TASP1: variants seen among roughly 807,000 people sequenced by gnomAD.
TASP1 encodes the protein taspase 1.
A neutral mutation model predicts 56.6 loss-of-function variants in TASP1; 16 were observed. That is an observed-to-expected ratio of 0.28 (90% CI 0.19 to 0.43). TASP1 has a LOEUF of 0.43. Ranked by LOEUF, TASP1 falls within the 20% of genes least tolerant of loss-of-function variation. The pLI is 1.00. For missense variants in TASP1, 393 were observed against 511.6 expected (o/e 0.77, Z 2.24); for synonymous variants, 179 against 184.2 (o/e 0.97, Z 0.23).
the TASP1 span, among the ~76,000 whole-genome samples, chr20:13,319,751 C>T: frequency 3.9e-5 from 6 of 152,236 alleles, no homozygotes; most frequent in African/African-American, 1.2e-4. Flanking sequence ...TGCACACACA[C>T]ACTCTAGAGG....
At chr20:13,429,442 G>A (rs2042726459) in intron 12 of TASP1, among the ~76,000 whole-genome samples, 1 of 152,090 alleles carries the variant, frequency 6.6e-6, no homozygotes, top group South Asian at 2.1e-4. Context: ...TGAACTCCAT[G>A]AACATATACA....
chr20:13,322,512 G>A, the TASP1 span, among the ~76,000 whole-genome samples: 10 of 152,152 alleles, frequency 6.6e-5, no homozygotes, highest in African/African-American at 1.4e-4. Flanking sequence ...AGGTCCATAT[G>A]AGGTTCTCAA....
the TASP1 span, among the ~76,000 whole-genome samples, chr20:13,256,147 G>A: frequency 6.6e-6 from 1 of 152,086 alleles, no homozygotes; most frequent in African/African-American, 2.4e-5. Context: ...TGTTATCCCA[G>A]CACTTTGGGA....
At chr20:13,223,934 C>G in the TASP1 span, among the ~76,000 whole-genome samples, 3 of 151,934 alleles carry the variant, frequency 2.0e-5, no homozygotes, top group Non-Finnish European at 2.9e-5. Flanking sequence ...TAGAATAACC[C>G]GGGGTTGGCC....
At chr20:13,237,680 A>G in the TASP1 span, 14 of 152,298 alleles carry the variant, frequency 9.2e-5, no homozygotes, top group African/African-American at 3.1e-4. Flanking sequence ...AGAGTTATAT[A>G]TGTGTATATT....
chr20:13,435,147 A>G lies in TASP1; in HGVS notation c.993T>C (p.Pro331=). 1 of 1,601,002 alleles carries G rather than the reference A, an allele frequency of 6.2e-7. No homozygotes were observed. Among genetic ancestry groups the G allele is most frequent in the East Asian group, 2.3e-5 (1 of 44,258 alleles). The change falls in exon 12 of 14, where the codon CCT becomes CCC. Residue 331 remains proline (P), a synonymous_variant. Coordinates refer to ENST00000337743, the MANE Select transcript of TASP1 (RefSeq NM_017714.3). ...ETMQNKFISS[P]FLASEDGVLG... Reference sequence around the variant, plus strand: ...GCACGCCATCTTCACTGGCAAGGAAAGGTGAACCTAGGCAGAAAGGACTAG... The same window carrying G: ...GCACGCCATCTTCACTGGCAAGGAAGGGTGAACCTAGGCAGAAAGGACTAG...
the TASP1 span, among the ~76,000 whole-genome samples, chr20:13,151,452 G>A: frequency 3.9e-5 from 6 of 152,196 alleles, no homozygotes; most frequent in African/African-American, 1.4e-4. Flanking sequence ...GCATCCCTAA[G>A]AAAGAACAAT....
intron 10 of TASP1, among the ~76,000 whole-genome samples, chr20:13,493,569 G>A (rs13037657): frequency 0.093 from 14,105 of 152,088 alleles, 717 homozygotes; most frequent in Admixed American, 0.16. Context: ...GGGGCTCTTG[G>A]GCCTTTGGCC....
chr20:13,166,040 T>C, the TASP1 span: 1 of 152,626 alleles, frequency 6.6e-6, no homozygotes, highest in Non-Finnish European at 1.5e-5. Flanking sequence ...ATCTAGTTTG[T>C]ATGGAAAAAG....
At chr20:13,237,964 G>C in the TASP1 span, 2 of 152,086 alleles carry the variant, frequency 1.3e-5, no homozygotes, top group African/African-American at 4.8e-5. Flanking sequence ...GCTGAGATGC[G>C]GTCCATATGA....
chr20:13,545,176 T>C (rs1052223848), intron 8 of TASP1, among the ~76,000 whole-genome samples: 1 of 152,062 alleles, frequency 6.6e-6, no homozygotes, highest in Non-Finnish European at 1.5e-5. Flanking sequence ...AAGAAAGAAA[T>C]AGTACCTATA....
At chr20:13,410,536 T>A (rs2042061441) in intron 13 of TASP1, among the ~76,000 whole-genome samples, 1 of 152,340 alleles carries the variant, frequency 6.6e-6, no homozygotes, top group East Asian at 1.9e-4. Flanking sequence ...TGGGGTAAGA[T>A]AATATCTCAC....
At chr20:13,542,987 T>C (rs2045680134) in intron 8 of TASP1, among the ~76,000 whole-genome samples, 3 of 151,346 alleles carry the variant, frequency 2.0e-5, no homozygotes, top group South Asian at 4.2e-4. Flanking sequence ...ATGAAGGAGA[T>C]AGATATAAAC....
intron 9 of TASP1, among the ~76,000 whole-genome samples, 155 bp downstream of exon 9, chr20:13,533,867 A>G (rs1042372705): frequency 6.6e-6 from 1 of 152,226 alleles, no homozygotes; most frequent in African/African-American, 2.4e-5. Flanking sequence ...AAGAATTTTA[A>G]AAAGGTATTT....
chr20:13,314,673 G>C, the TASP1 span, among the ~76,000 whole-genome samples: 1 of 152,072 alleles, frequency 6.6e-6, no homozygotes, highest in Non-Finnish European at 1.5e-5. Context: ...CAGAAACTCA[G>C]ATCTTCATAA....
At chr20:13,105,402 T>C in the TASP1 span, among the ~76,000 whole-genome samples, 4 of 152,206 alleles carry the variant, frequency 2.6e-5, no homozygotes, top group African/African-American at 9.6e-5. Context: ...GTCCCTGACT[T>C]GGAAAAGACT....
At chr20:13,355,939 G>A in the TASP1 span, among the ~76,000 whole-genome samples, 1 of 152,142 alleles carries the variant, frequency 6.6e-6, no homozygotes, top group Admixed American at 6.5e-5. Context: ...CCAAAAAATA[G>A]CTATGTTGAT....
chr20:13,183,299 A>G, the TASP1 span, among the ~76,000 whole-genome samples: 2 of 152,286 alleles, frequency 1.3e-5, no homozygotes, highest in Non-Finnish European at 2.9e-5. Flanking sequence ...TCCATCCTAG[A>G]CCATCCATCC....
chr20:13,319,337 A>G, the TASP1 span, among the ~76,000 whole-genome samples: 1 of 152,104 alleles, frequency 6.6e-6, no homozygotes, highest in Non-Finnish European at 1.5e-5. Flanking sequence ...TGTGCCTGGC[A>G]GCCCGGGTAT....
Sources: allele counts gnomAD v4.1 joint callset (sites outside exome capture counted in the v4.1 genomes callset), GRCh38; gene constraint gnomAD v4.1.1; transcripts MANE v1.5; gene names NCBI Gene and HGNC (gene_info 2026-07-23, HGNC 2026-07-21).